Variants in PPARGC1B observed in about 807,000 individuals in gnomAD.
PPARGC1B encodes the protein PPARG coactivator 1 beta, also known as peroxisome proliferator-activated receptor gamma coactivator 1-beta.
A neutral mutation model predicts 101.6 loss-of-function variants in PPARGC1B; 34 were observed. The ratio of observed to expected loss-of-function variants is 0.33; its 90% CI spans 0.25 to 0.45. The LOEUF (loss-of-function observed/expected upper bound fraction) is 0.45. Ranked by LOEUF, PPARGC1B falls within the 20% of genes least tolerant of loss-of-function variation. The pLI is 1.00. For missense variants in PPARGC1B, 1,234 were observed against 1,317.6 expected (o/e 0.94, Z 0.98); for synonymous variants, 548 against 539.3 (o/e 1.02, Z -0.22).
intron 1 of PPARGC1B, among the ~76,000 whole-genome samples, chr5:149,783,006 T>C (rs1756647662): frequency 6.6e-6 from 1 of 152,104 alleles, no homozygotes; most frequent in African/African-American, 2.4e-5. Flanking sequence ...TAGATAGGAA[T>C]GCAGGGTGCT....
At chr5:149,751,108 G>T (rs2113120261) in intron 1 of PPARGC1B, among the ~76,000 whole-genome samples, 1 of 152,194 alleles carries the variant, frequency 6.6e-6, no homozygotes, top group Non-Finnish European at 1.5e-5. Context: ...TATTTTGGTT[G>T]TTTTGTTTAG....
At chr5:149,794,989 C>G (rs950535970) in intron 1 of PPARGC1B, among the ~76,000 whole-genome samples, 2 of 152,200 alleles carry the variant, frequency 1.3e-5, no homozygotes, top group African/African-American at 4.8e-5. Flanking sequence ...CATGGGGACA[C>G]ACGAGACATC....
At chr5:149,743,775 T>C (rs1754992292) in intron 1 of PPARGC1B, among the ~76,000 whole-genome samples, 2 of 152,086 alleles carry the variant, frequency 1.3e-5, no homozygotes, top group African/African-American at 2.4e-5. Context: ...ACACGAAGGA[T>C]CAAAGGCAAA....
At chr5:149,835,390 AG>A in intron 7 of PPARGC1B, 25 bp downstream of exon 7, 1 of 1,604,094 alleles carries the variant, frequency 6.2e-7, no homozygotes, top group South Asian at 1.1e-5. Context: ...TTCCACTGGC[AG>A]GTGCCTTCAG....
At chr5:149,731,207 G>C (rs1474930808) in intron 1 of PPARGC1B, among the ~76,000 whole-genome samples, 2 of 152,184 alleles carry the variant, frequency 1.3e-5, no homozygotes, top group African/African-American at 4.8e-5. Context: ...GGCGACACGC[G>C]CGTGACAGGA....
At chr5:149,808,651 T>G (rs1408505553) in intron 1 of PPARGC1B, among the ~76,000 whole-genome samples, 2 of 152,196 alleles carry the variant, frequency 1.3e-5, no homozygotes, top group Non-Finnish European at 2.9e-5. Context: ...AAGCTTGGTC[T>G]TGTCTTGGGG....
intron 1 of PPARGC1B, chr5:149,817,681 A>G (rs1276323318): frequency 6.6e-6 from 3 of 455,726 alleles, no homozygotes; most frequent in Non-Finnish European, 1.3e-5. Flanking sequence ...AGCATTGAAC[A>G]TGCCCACTAG....
chr5:149,778,063 TCACACA>T lies in PPARGC1B; in HGVS notation c.79-42327_79-42322del, dbSNP rs1219646323. 1.7e-3 allele frequency among the ~76,000 whole-genome samples: 20 copies of T among 11,896 alleles called. 1 individual carries two copies. The highest frequency in any genetic ancestry group is 8.7e-3 in the African/African-American group (13 of 1,496). The allele number at this position is 11,896 out of a possible 152,430, so 7.8% of individuals were successfully genotyped here. A position where few individuals can be genotyped will look rare whatever the true frequency, so the allele number is the denominator to read the frequency against. ...CTGCTTATATCCATGTAGCAGCATC[TCACACA>T]CACACACACACACACACACACACAC... On this transcript the variant is annotated intron_variant, in intron 1 of 11. Coordinates refer to ENST00000309241, the MANE Select transcript of PPARGC1B (RefSeq NM_133263.4).
In PPARGC1B at chr5:149,730,548, C is replaced by A; in HGVS notation, c.78+128C>A. Reference sequence around the variant, plus strand: ...TAACTGGGGGTTCCAGGCTGCAGAGCCCCCCTTCCAGGCGCCCTGCGATGC... The same window carrying A: ...TAACTGGGGGTTCCAGGCTGCAGAGACCCCCTTCCAGGCGCCCTGCGATGC... On this transcript the variant is annotated intron_variant, in intron 1 of 11. Transcript: ENST00000309241. This position sits in a 1 kb window ranked among gnomAD's most constrained non-coding sequence, Gnocchi z 4.0. 3.0e-6 allele frequency: 2 copies of A among 672,322 alleles called. No individual in the cohort carries two copies. Among genetic ancestry groups the A allele is most frequent in the Non-Finnish European group, 2.3e-6 (1 of 427,264 alleles). The allele number at this position is 672,322 out of a possible 1,614,324, so 41.6% of individuals were successfully genotyped here. A position where few individuals can be genotyped will look rare whatever the true frequency, so the allele number is the denominator to read the frequency against.
In PPARGC1B at chr5:149,849,635, T is replaced by C. The variant is rs1376065193; in HGVS notation, c.*2077T>C. Reference sequence around the variant, plus strand: ...TCTATTTGACATCTTGGGCTAATCTTTGGAAGGTTTCCAACAATCACACAA... The same window carrying C: ...TCTATTTGACATCTTGGGCTAATCTCTGGAAGGTTTCCAACAATCACACAA... On this transcript the variant is annotated 3_prime_UTR_variant, in exon 12 of 12. Coordinates refer to ENST00000309241, the MANE Select transcript of PPARGC1B (RefSeq NM_133263.4). The C allele has an allele frequency of 6.6e-6, 1 of 152,230 alleles. No homozygotes were observed. Among genetic ancestry groups the C allele is most frequent in the Non-Finnish European group, 1.5e-5 (1 of 68,032 alleles). 9.4% of individuals were successfully genotyped at this position (152,230 alleles called of 1,614,324 possible).
At chr5:149,750,838 G>T (rs1197920259) in intron 1 of PPARGC1B, among the ~76,000 whole-genome samples, 1 of 152,210 alleles carries the variant, frequency 6.6e-6, no homozygotes, top group African/African-American at 2.4e-5. Context: ...GTCCAAGTAC[G>T]CACGATGGGT....
intron 1 of PPARGC1B, among the ~76,000 whole-genome samples, chr5:149,816,576 C>T (rs1037789356): frequency 2.8e-4 from 43 of 152,248 alleles, no homozygotes; most frequent in Admixed American, 3.9e-4. Context: ...CCAGATTGTT[C>T]ACCATGACTT....
intron 1 of PPARGC1B, among the ~76,000 whole-genome samples, chr5:149,767,018 C>T (rs549255810): frequency 6.6e-6 from 1 of 152,292 alleles, no homozygotes; most frequent in African/African-American, 2.4e-5. Context: ...GACCAGGTCC[C>T]TGCATTGAGT....
At chr5:149,765,625 G>A (rs1465479634) in intron 1 of PPARGC1B, among the ~76,000 whole-genome samples, 3 of 152,044 alleles carry the variant, frequency 2.0e-5, no homozygotes, top group East Asian at 1.9e-4. Flanking sequence ...TTGGGAGGCC[G>A]AGGCGGGCGG....
At chr5:149,777,177 C>T (rs35911000) in intron 1 of PPARGC1B, among the ~76,000 whole-genome samples, 36,023 of 152,044 alleles carry the variant, frequency 0.24, 4,728 homozygotes, top group Middle Eastern at 0.39. Flanking sequence ...TTTTCATCTA[C>T]GATTTATCAA....
chr5:149,743,920 G>A (rs1276271599), intron 1 of PPARGC1B, among the ~76,000 whole-genome samples: 1 of 152,220 alleles, frequency 6.6e-6, no homozygotes, highest in Non-Finnish European at 1.5e-5. Flanking sequence ...GGGGCTCAGA[G>A]TTTTGAGAGT....
rs971507315 is a variant in PPARGC1B, at chr5:149,730,570, A to AT, written c.78+151dup. 3 of 578,008 alleles carry AT rather than the reference A, an allele frequency of 5.2e-6. No individual in the cohort carries two copies. In the African/African-American group the frequency reaches 6.0e-5, roughly 12 times the overall value. 35.8% of individuals were successfully genotyped at this position (578,008 alleles called of 1,614,324 possible). ...GAGCCCCCCTTCCAGGCGCCCTGCGATGCGCTCCGTTACCGGGGCAGGGAG... is the reference window on the plus strand; with the variant it reads ...GAGCCCCCCTTCCAGGCGCCCTGCGATTGCGCTCCGTTACCGGGGCAGGGAG... On this transcript the variant is annotated intron_variant, in intron 1 of 11. Coordinates refer to ENST00000309241, the MANE Select transcript of PPARGC1B (RefSeq NM_133263.4). This position sits in a 1 kb window ranked among gnomAD's most constrained non-coding sequence, Gnocchi z 4.0.
chr5:149,818,157 A>G (rs1758131598), intron 1 of PPARGC1B, among the ~76,000 whole-genome samples: 2 of 152,236 alleles, frequency 1.3e-5, no homozygotes, highest in Non-Finnish European at 2.9e-5. Flanking sequence ...TGGGGGACCC[A>G]GAGATTGAGG....
At chr5:149,830,926 G>A (rs45550434) in intron 4 of PPARGC1B, 43 bp downstream of exon 4, 28,762 of 1,380,786 alleles carry the variant, frequency 0.021, 389 homozygotes, top group Non-Finnish European at 0.025. Flanking sequence ...GGTGTCTGTT[G>A]GGGCTGCAGC....
Sources: gnomAD v4.1 joint callset for allele counts (sites outside exome capture counted in the v4.1 genomes callset) on GRCh38, gnomAD v4.1.1 for gene constraint, Gnocchi (gnomAD v3.1) non-coding constraint, MANE v1.5 for transcripts, NCBI Gene and HGNC (gene_info 2026-07-23, HGNC 2026-07-21) for gene names.